The following SYCE1 variants were observed in gnomAD, a reference collection of about 807,000 sequenced individuals.
SYCE1 encodes cancer/testis antigen 76.
Under a neutral mutation model 55.1 loss-of-function variants are expected in SYCE1, and 37 were observed. That is an observed-to-expected ratio of 0.67 (90% confidence interval 0.52 to 0.88). The LOEUF is 0.88. Among genes scored for constraint, SYCE1 ranks in the 40% least tolerant of loss-of-function variants. The probability of loss-of-function intolerance (pLI) is 0.00; values close to 1 mark genes in which losing one functional copy is unlikely to be tolerated. For synonymous variants in SYCE1, 163 were observed against 159.4 expected (o/e 1.02, Z -0.17); for missense variants, 399 against 416.4 (o/e 0.96, Z 0.36).
Position 133,555,723 on chromosome 10 carries a change from G to C in SYCE1, c.720-16C>G. On this transcript the variant is annotated splice_polypyrimidine_tract_variant and intron_variant, in intron 10 of 12. Coordinates refer to ENST00000343131, the MANE Select transcript of SYCE1 (RefSeq NM_001143764.3). ...AAACAGCTGCCTGGGGGGCCCAGTA[G>C]GGGGTGGTCAGCACCGGCCACTCCC... 1 of 1,607,336 alleles carries C rather than the reference G, an allele frequency of 6.2e-7. No homozygotes were observed. The highest frequency in any genetic ancestry group is 8.5e-7 in the Non-Finnish European group (1 of 1,179,888).
At chr10:133,554,181 T>G, downstream of SYCE1, 1 of 973,008 alleles carries the variant, frequency 1.0e-6, no homozygotes. Context: ...ACAGGTATGA[T>G]TAACTGCATC....
chr10:133,559,969 A>G (rs1354828504), intron 2 of SYCE1, 122 bp downstream of exon 2: 7 of 812,922 alleles, frequency 8.6e-6, no homozygotes, highest in Non-Finnish European at 1.4e-5. Context: ...ATTAAGTTTT[A>G]AAAGAAAGAG....
Position 133,563,955 on chromosome 10 carries a change from A to C in SYCE1, c.73+1502T>G, listed in dbSNP as rs546924943. ...GAAGACTAATAGACTTTTTACTAAA[A>C]TGTATCTAGTGTCACTGACCCTAGA... On this transcript the variant is annotated intron_variant, in intron 1 of 12. Transcript: ENST00000343131. Among the ~76,000 whole-genome samples, 10 of 152,282 alleles carry C rather than the reference A, an allele frequency of 6.6e-5. No homozygotes were observed. In the South Asian group the frequency reaches 2.1e-3, roughly 32 times the overall value.
chr10:133,567,898 G>A (rs964912087), upstream of SYCE1: 16 of 506,810 alleles, frequency 3.2e-5, 1 homozygote, highest in Admixed American at 3.2e-4. Context: ...GGCTGAGGCG[G>A]CGTGGGCAGG....
chr10:133,556,626 G>A, intron 8 of SYCE1, 133 bp downstream of exon 8: 1 of 887,264 alleles, frequency 1.1e-6, no homozygotes, highest in Non-Finnish European at 1.8e-6. Flanking sequence ...CTGGATTCAG[G>A]CAATGTCGAT....
rs1589964763 is a variant in SYCE1, at chr10:133,555,833, G to A, written c.666C>T (p.Pro222=). 1.2e-6 allele frequency: 2 copies of A among 1,613,892 alleles called. No homozygotes were observed. The highest frequency in any genetic ancestry group is 1.1e-5 in the South Asian group (1 of 91,070). ...GAAAGAGTCCCTCATCAAGGGTGGA[G>A]GGGCCCTCAGCCCCACACAGGGAGC... ...QLCSLCGAEG[P]STLDEGLFLR... Residue 222 remains proline, a synonymous_variant, in exon 10 of 13, where the codon CCC becomes CCT. Transcript: ENST00000343131.
intron 8 of SYCE1, chr10:133,556,422 C>T (rs778183908): frequency 1.9e-5 from 10 of 522,046 alleles, no homozygotes; most frequent in African/African-American, 1.7e-4. Context: ...CTTCCTGACA[C>T]TCACTGTCTA....
chr10:133,565,115 T>A (rs1296554177), intron 1 of SYCE1, among the ~76,000 whole-genome samples: 1 of 152,184 alleles, frequency 6.6e-6, no homozygotes, highest in Non-Finnish European at 1.5e-5. Context: ...GAAGGTGGAA[T>A]TAGGAATTCC....
chr10:133,562,671 C>T (rs1189558226), intron 1 of SYCE1, among the ~76,000 whole-genome samples: 1 of 152,044 alleles, frequency 6.6e-6, no homozygotes, highest in Non-Finnish European at 1.5e-5. Flanking sequence ...AGAAGCTACT[C>T]CTGCATTTTT....
intron 1 of SYCE1, 180 bp from the exon 2 acceptor site, chr10:133,560,333 A>G: frequency 1.9e-6 from 1 of 540,214 alleles, no homozygotes; most frequent in East Asian, 3.1e-5. Flanking sequence ...CCTATAAGGT[A>G]AAATTATACC....
chr10:133,559,509 C>T (rs1199490492), intron 2 of SYCE1, 149 bp from the exon 3 acceptor site: 33 of 719,060 alleles, frequency 4.6e-5, no homozygotes, highest in Non-Finnish European at 7.8e-5. Flanking sequence ...GGCTCACGTT[C>T]TGGGTGGGCA....
chr10:133,557,847 C>T lies in SYCE1; in HGVS notation c.374+17G>A. ...TAAAGAGGTAGTGCAGAGTTAGGCT[C>T]AGCTGGAAGCTCTTACCTGTGTGCC... On this transcript the variant is annotated intron_variant, in intron 6 of 12. Transcript: ENST00000343131. The T allele has an allele frequency of 6.2e-7, 1 of 1,614,028 alleles. No homozygotes were observed. Among genetic ancestry groups the T allele is most frequent in the African/African-American group, 1.3e-5 (1 of 75,024 alleles).
intron 7 of SYCE1, 51 bp from the exon 8 acceptor site, chr10:133,556,873 C>T: frequency 6.2e-7 from 1 of 1,601,284 alleles, no homozygotes; most frequent in Non-Finnish European, 8.5e-7. Flanking sequence ...TCACCACCTT[C>T]ACAGCCTGTC....
intron 1 of SYCE1, 44 bp downstream of exon 1, chr10:133,565,413 C>T (rs1459878861): frequency 1.4e-6 from 2 of 1,474,622 alleles, no homozygotes; most frequent in South Asian, 1.3e-5. Context: ...CCCGCCTCGG[C>T]GAGGTCAGAC....
At chr10:133,565,858 C>T (rs879399110), upstream of SYCE1, among the ~76,000 whole-genome samples, 1 of 152,236 alleles carries the variant, frequency 6.6e-6, no homozygotes, top group Non-Finnish European at 1.5e-5. Context: ...CACCAACGAG[C>T]AGTACGCATG....
At chr10:133,554,336 G>A (rs1185600744), downstream of SYCE1, 2 of 1,613,990 alleles carry the variant, frequency 1.2e-6, no homozygotes, top group Admixed American at 3.3e-5. Context: ...AGCCTGTCAA[G>A]AAAAGGGATC....
At chr10:133,567,158 G>A (rs9630003), upstream of SYCE1, among the ~76,000 whole-genome samples, 1,920 of 151,256 alleles carry the variant, frequency 0.013, no homozygotes, top group African/African-American at 0.044. Context: ...TCAGGGGTCC[G>A]GTCAAGGGTT....
At chr10:133,556,118 T>A in intron 8 of SYCE1, 71 bp from the exon 9 acceptor site, 1 of 1,564,840 alleles carries the variant, frequency 6.4e-7, no homozygotes, top group Non-Finnish European at 8.7e-7. Flanking sequence ...GCTATCTGGA[T>A]CTTGTTTCAT....
At chr10:133,562,261 ATGTGTGTGTGTGTGTG>A (rs59050384) in intron 1 of SYCE1, among the ~76,000 whole-genome samples, 6,333 of 142,728 alleles carry the variant, frequency 0.044, 171 homozygotes, top group African/African-American at 0.071. Context: ...CTAACATCCA[ATGTGTGTGTGTGTGTG>A]TGTGTGTGTG....
Sources: allele counts gnomAD v4.1 joint callset (sites outside exome capture counted in the v4.1 genomes callset), GRCh38; gene constraint gnomAD v4.1.1; transcripts MANE v1.5; gene names NCBI Gene and HGNC (gene_info 2026-07-23, HGNC 2026-07-21).